Variants in IPCEF1 observed in about 807,000 individuals in gnomAD.
IPCEF1 encodes interactor protein for cytohesin exchange factors 1.
IPCEF1 carries 31 observed loss-of-function variants against 50.9 expected under a neutral mutation model. The ratio of observed to expected loss-of-function variants is 0.61; its 90% CI spans 0.46 to 0.82. The LOEUF (loss-of-function observed/expected upper bound fraction) is 0.82. IPCEF1 is among the 40% of genes least tolerant of loss of function. The pLI is 0.00. For missense variants in IPCEF1, 458 were observed against 514.0 expected, an observed-to-expected ratio of 0.89 and a Z score of 1.05; for synonymous variants, 181 against 192.0, an observed-to-expected ratio of 0.94 and a Z score of 0.47.
intron 1 of IPCEF1, among the ~76,000 whole-genome samples, chr6:154,292,973 CAATGAAAA>C (rs1385653038): frequency 2.6e-5 from 4 of 152,190 alleles, no homozygotes; most frequent in Non-Finnish European, 2.9e-5. Context: ...CATTCCAAAG[CAATGAAAA>C]CAGTATTTCC....
At chr6:154,265,701 G>A (rs1043085617) in intron 3 of IPCEF1, among the ~76,000 whole-genome samples, 5 of 152,130 alleles carry the variant, frequency 3.3e-5, no homozygotes, top group African/African-American at 1.2e-4. Flanking sequence ...ACCATGGTAT[G>A]CAGCTTAAAC....
At chr6:154,344,151 T>C (rs1196455378) in intron 1 of IPCEF1, among the ~76,000 whole-genome samples, 1 of 152,192 alleles carries the variant, frequency 6.6e-6, no homozygotes, top group Non-Finnish European at 1.5e-5. Context: ...TTGGAGCACC[T>C]CTCCCTCTGT....
intron 9 of IPCEF1, among the ~76,000 whole-genome samples, chr6:154,203,378 G>T (rs898137118): frequency 1.3e-5 from 2 of 152,150 alleles, no homozygotes; most frequent in East Asian, 3.9e-4. Flanking sequence ...GTCATTTTGT[G>T]TATCAACTTA....
intron 5 of IPCEF1, among the ~76,000 whole-genome samples, chr6:154,226,698 C>A (rs1779279864): frequency 6.6e-6 from 1 of 152,086 alleles, no homozygotes; most frequent in South Asian, 2.1e-4. Flanking sequence ...ACAGTCACAG[C>A]AAATGTTTAC....
At chr6:154,332,915 A>C (rs769157024) in intron 1 of IPCEF1, among the ~76,000 whole-genome samples, 2 of 152,206 alleles carry the variant, frequency 1.3e-5, no homozygotes, top group Non-Finnish European at 1.5e-5. Context: ...TCTGAGCTTG[A>C]AGCAGGCCTG....
chr6:154,246,114 G>A (rs1406284493), intron 5 of IPCEF1, among the ~76,000 whole-genome samples: 1 of 152,142 alleles, frequency 6.6e-6, no homozygotes, highest in African/African-American at 2.4e-5. Context: ...AAGAAGGTCG[G>A]GGGAAAGAAG....
At chr6:154,214,072 C>T in intron 8 of IPCEF1, 146 bp downstream of exon 8, 1 of 650,504 alleles carries the variant, frequency 1.5e-6, no homozygotes, top group Non-Finnish European at 2.8e-6. Context: ...ATATGTCTGT[C>T]TCCACATATT....
At chr6:154,279,413 C>G (rs1782152795) in intron 2 of IPCEF1, among the ~76,000 whole-genome samples, 1 of 152,164 alleles carries the variant, frequency 6.6e-6, no homozygotes, top group African/African-American at 2.4e-5. Flanking sequence ...CTGGCTAGTG[C>G]TTTTCCTTTG....
intron 10 of IPCEF1, among the ~76,000 whole-genome samples, chr6:154,174,483 A>G (rs1007159684): frequency 7.2e-5 from 11 of 152,180 alleles, no homozygotes; most frequent in African/African-American, 2.7e-4. Flanking sequence ...AAGATCTATC[A>G]AGCAAATGGA....
intron 2 of IPCEF1, among the ~76,000 whole-genome samples, chr6:154,278,226 T>G (rs1018874157): frequency 6.6e-6 from 1 of 152,004 alleles, no homozygotes; most frequent in Admixed American, 6.5e-5. Flanking sequence ...GCAATTTCTA[T>G]GACCTCACAG....
At chr6:154,200,592 G>A (rs183901728) in intron 9 of IPCEF1, among the ~76,000 whole-genome samples, 19 of 152,100 alleles carry the variant, frequency 1.2e-4, no homozygotes, top group South Asian at 6.3e-4. Context: ...TTGGTGGCGC[G>A]CACCTGTAGT....
In IPCEF1 at chr6:154,340,245, T is replaced by TTTA. The variant is rs149057852; in HGVS notation, c.-62+16424_-62+16426dup. Among the ~76,000 whole-genome samples the TTTA allele has an allele frequency of 7.0e-3, 1,053 of 151,046 alleles. 14 individuals are homozygous for TTTA. The highest frequency in any genetic ancestry group is 0.024 in the African/African-American group (991 of 41,216). On this transcript the variant is annotated intron_variant, in intron 1 of 11. Transcript: ENST00000367220. Reference sequence around the variant, plus strand: ...TGGTTTTATAGATTTTATTTTTTAATTTATTATTATTATTATTATTTTTGA... The same window carrying TTTA: ...TGGTTTTATAGATTTTATTTTTTAATTTATTATTATTATTATTATTATTTTTGA...
intron 1 of IPCEF1, among the ~76,000 whole-genome samples, chr6:154,330,580 C>T (rs756933954): frequency 6.6e-6 from 1 of 152,120 alleles, no homozygotes; most frequent in Non-Finnish European, 1.5e-5. Context: ...CGCCTCACCT[C>T]CCAAAGTGCT....
intron 10 of IPCEF1, among the ~76,000 whole-genome samples, chr6:154,197,910 T>C (rs1016085526): frequency 2.0e-5 from 3 of 152,350 alleles, no homozygotes; most frequent in Admixed American, 6.5e-5. Flanking sequence ...AAATAATAGA[T>C]GTAGTACTTT....
At position 154,339,757 on chromosome 6, in the gene IPCEF1, T is replaced by A. The variant is rs149786062; in HGVS notation, c.-62+16915A>T. 2.6e-5 allele frequency among the ~76,000 whole-genome samples: 4 copies of A among 152,216 alleles called. No individual in the cohort carries two copies. In the East Asian group the frequency reaches 7.7e-4, roughly 29 times the overall value. On this transcript the variant is annotated intron_variant, in intron 1 of 11. Coordinates refer to ENST00000367220, the MANE Select transcript of IPCEF1 (RefSeq NM_001130700.2). ...AGCGCACACCACCACCACATCCAGCTAATTTTAAAAAATATTTTTGTAGAG... is the reference window on the plus strand; with the variant it reads ...AGCGCACACCACCACCACATCCAGCAAATTTTAAAAAATATTTTTGTAGAG...
In IPCEF1 at chr6:154,179,332, AT is replaced by A. The variant is rs758388261; in HGVS notation, c.911-11220del. ...TTTTCAGTAAAGCAGTATTTTAAAA[AT>A]TTCCCTTTTGCTTTTTATATATTTT... On this transcript the variant is annotated intron_variant, in intron 10 of 11. Coordinates refer to ENST00000367220, the MANE Select transcript of IPCEF1 (RefSeq NM_001130700.2). Among the ~76,000 whole-genome samples, 4 of 152,182 alleles carry A rather than the reference AT, an allele frequency of 2.6e-5. No individual in the cohort carries two copies. In the East Asian group the frequency reaches 5.8e-4, roughly 22 times the overall value.
chr6:154,166,924 C>A (rs1442692193), intron 11 of IPCEF1, among the ~76,000 whole-genome samples: 2 of 152,156 alleles, frequency 1.3e-5, no homozygotes, highest in African/African-American at 2.4e-5. Flanking sequence ...AATTTCTCTG[C>A]ATTTGTATTA....
At chr6:154,297,546 T>A (rs6928203) in intron 1 of IPCEF1, among the ~76,000 whole-genome samples, 20,197 of 152,214 alleles carry the variant, frequency 0.13, 1,869 homozygotes, top group East Asian at 0.38. Flanking sequence ...TTCCACTTTT[T>A]AGAAAACTAT....
chr6:154,219,985 A>AAGGAGTGT (rs1020021801), intron 7 of IPCEF1, among the ~76,000 whole-genome samples: 2 of 140,052 alleles, frequency 1.4e-5, no homozygotes, highest in East Asian at 4.3e-4. Flanking sequence ...ACCTGTAAGG[A>AAGGAGTGT]GTGTGTGTGT....
Sources: gnomAD v4.1 joint callset for allele counts (sites outside exome capture counted in the v4.1 genomes callset) on GRCh38, gnomAD v4.1.1 for gene constraint, MANE v1.5 for transcripts, NCBI Gene and HGNC (gene_info 2026-07-23, HGNC 2026-07-21) for gene names.